Variants in OLFM3 observed in about 807,000 individuals in gnomAD.
OLFM3 encodes noelin-3.
Under a neutral mutation model 48.6 loss-of-function variants are expected in OLFM3, and 20 were observed. That is an observed-to-expected ratio of 0.41 (90% CI 0.29 to 0.60). OLFM3 has a LOEUF of 0.60. Among genes scored for constraint, OLFM3 ranks in the 20% least tolerant of loss-of-function variants. The pLI is 0.28. For synonymous variants in OLFM3, 222 were observed against 198.1 expected (o/e 1.12, Z -1.01); for missense variants, 437 against 544.3 (o/e 0.80, Z 1.96).
chr1:101,872,006 T>C (rs10874522), intron 1 of OLFM3, among the ~76,000 whole-genome samples: 77,249 of 151,778 alleles, frequency 0.51, 20,090 homozygotes, highest in Non-Finnish European at 0.56. Flanking sequence ...TTATGAAATA[T>C]GTTAGAGAGG....
intron 1 of OLFM3, among the ~76,000 whole-genome samples, chr1:101,988,518 A>AG (rs1661312500): frequency 6.6e-6 from 1 of 152,140 alleles, no homozygotes; most frequent in African/African-American, 2.4e-5. Flanking sequence ...TCTTAAACTC[A>AG]GTCTTACTTC....
At chr1:101,986,194 G>C (rs1042554317) in intron 1 of OLFM3, among the ~76,000 whole-genome samples, 9 of 152,030 alleles carry the variant, frequency 5.9e-5, no homozygotes, top group Non-Finnish European at 8.8e-5. Context: ...CTCGATCCCT[G>C]ACCTCGTGAT....
At chr1:101,926,605 G>C (rs1659276958) in intron 1 of OLFM3, among the ~76,000 whole-genome samples, 2 of 152,168 alleles carry the variant, frequency 1.3e-5, no homozygotes. Flanking sequence ...GTGAAGTAAA[G>C]TATACAAAGT....
chr1:101,989,419 C>T (rs1019000750), intron 1 of OLFM3, among the ~76,000 whole-genome samples: 7 of 152,008 alleles, frequency 4.6e-5, no homozygotes, highest in African/African-American at 1.7e-4. Context: ...TGGTCTTATG[C>T]TATTTCTGTA....
intron 1 of OLFM3, among the ~76,000 whole-genome samples, chr1:101,944,151 G>A (rs1260592189): frequency 3.3e-5 from 5 of 151,464 alleles, no homozygotes; most frequent in Non-Finnish European, 7.4e-5. Context: ...AATAATCTGT[G>A]CCTACTTCTA....
At chr1:101,831,830 T>C (rs893904471) in intron 2 of OLFM3, among the ~76,000 whole-genome samples, 12 of 152,240 alleles carry the variant, frequency 7.9e-5, no homozygotes, top group African/African-American at 1.4e-4. Flanking sequence ...TACTGCTCAA[T>C]ATAGAAAGAT....
chr1:101,848,599 A>G (rs1174882226), intron 1 of OLFM3, among the ~76,000 whole-genome samples: 1 of 151,762 alleles, frequency 6.6e-6, no homozygotes, highest in East Asian at 1.9e-4. Flanking sequence ...TTACTTTTCT[A>G]TTCTTTCAAA....
chr1:101,940,515 CTAATA>C (rs1259249605), intron 1 of OLFM3, among the ~76,000 whole-genome samples: 2 of 151,226 alleles, frequency 1.3e-5, no homozygotes, highest in African/African-American at 4.9e-5. Context: ...CTCTGTCTAC[CTAATA>C]TATCATCTGT....
intron 1 of OLFM3, among the ~76,000 whole-genome samples, chr1:101,966,268 T>C (rs895435047): frequency 1.3e-5 from 2 of 152,090 alleles, no homozygotes; most frequent in East Asian, 1.9e-4. Flanking sequence ...AGGCTCAAGG[T>C]ATCCTTGTGT....
At chr1:101,864,087 C>G (rs1656766239) in intron 1 of OLFM3, among the ~76,000 whole-genome samples, 1 of 152,136 alleles carries the variant, frequency 6.6e-6, no homozygotes, top group Non-Finnish European at 1.5e-5. Context: ...GCCCACTCAC[C>G]CTTCTCCTAA....
intron 1 of OLFM3, among the ~76,000 whole-genome samples, chr1:101,897,707 A>G (rs1453635603): frequency 6.6e-6 from 1 of 152,220 alleles, no homozygotes; most frequent in Non-Finnish European, 1.5e-5. Context: ...AGAAAAGTAA[A>G]TAACATTGTT....
chr1:101,839,672 T>C (rs574004288), intron 1 of OLFM3, among the ~76,000 whole-genome samples: 1 of 152,302 alleles, frequency 6.6e-6, no homozygotes, highest in Admixed American at 6.5e-5. Context: ...TTGCCAAGTG[T>C]TTGGCTAACT....
At chr1:101,854,488 A>T (rs1022940119) in intron 1 of OLFM3, among the ~76,000 whole-genome samples, 1 of 152,006 alleles carries the variant, frequency 6.6e-6, no homozygotes, top group Non-Finnish European at 1.5e-5. Flanking sequence ...AGGAGAAAAA[A>T]TGGATGTGTG....
intron 3 of OLFM3, among the ~76,000 whole-genome samples, chr1:101,825,728 C>T (rs999483699): frequency 2.6e-5 from 4 of 152,260 alleles, no homozygotes; most frequent in Non-Finnish European, 5.9e-5. Context: ...GGGGCACATA[C>T]AGAAAATTGT....
chr1:101,812,841 A>G, intron 4 of OLFM3: 1 of 990,328 alleles, frequency 1.0e-6, no homozygotes, highest in Non-Finnish European at 1.2e-6. Flanking sequence ...TTTGTGAGGA[A>G]AATTGATTCT....
intron 1 of OLFM3, among the ~76,000 whole-genome samples, chr1:101,964,171 G>T (rs928008378): frequency 6.6e-6 from 1 of 152,094 alleles, no homozygotes; most frequent in South Asian, 2.1e-4. Context: ...TGGTGATGGT[G>T]GTTGTATATG....
chr1:101,841,067 T>G (rs1655694902), intron 1 of OLFM3, among the ~76,000 whole-genome samples: 1 of 152,224 alleles, frequency 6.6e-6, no homozygotes, highest in African/African-American at 2.4e-5. Flanking sequence ...GATTATTTGC[T>G]TATAACTTAA....
chr1:101,914,337 A>G (rs1216249720), intron 1 of OLFM3, among the ~76,000 whole-genome samples: 1 of 152,078 alleles, frequency 6.6e-6, no homozygotes, highest in African/African-American at 2.4e-5. Context: ...GAAATTGTCT[A>G]CTTAAATATC....
Position 101,803,910 on chromosome 1 carries a change from T to C in OLFM3, c.*328A>G, listed in dbSNP as rs1653620864. The C allele has an allele frequency of 5.7e-6, 1 of 173,954 alleles. No individual in the cohort carries two copies. The highest frequency in any genetic ancestry group is 1.5e-4 in the East Asian group (1 of 6,588). 10.8% of individuals were successfully genotyped at this position (173,954 alleles called of 1,614,324 possible). ...TTTTAAAAAAAAAGACATTCGTGCA[T>C]TTAAGCCACCATTAGTCTCTGACTC... On this transcript the variant is annotated 3_prime_UTR_variant, in exon 6 of 6. Coordinates refer to ENST00000370103, the MANE Select transcript of OLFM3 (RefSeq NM_058170.4).
Sources: gnomAD v4.1 joint callset for allele counts (sites outside exome capture counted in the v4.1 genomes callset) on GRCh38, gnomAD v4.1.1 for gene constraint, MANE v1.5 for transcripts, NCBI Gene and HGNC (gene_info 2026-07-23, HGNC 2026-07-21) for gene names.